Variants in TMEM132D observed in about 807,000 individuals in gnomAD.
The protein encoded by TMEM132D is mature OL transmembrane protein.
Under a neutral mutation model 62.3 loss-of-function variants are expected in TMEM132D, and 21 were observed. The observed-to-expected ratio is 0.34, with a 90% CI of 0.24 to 0.49. The LOEUF (loss-of-function observed/expected upper bound fraction) is 0.49, where lower values mean the gene tolerates loss of function less well. Ranked by LOEUF, TMEM132D falls within the 20% of genes least tolerant of loss-of-function variation. The pLI is 0.99. For synonymous variants in TMEM132D, 621 were observed against 575.6 expected (o/e 1.08, Z -1.13); for missense variants, 1,346 against 1,402.8 (o/e 0.96, Z 0.65).
chr12:129,733,428 C>T (rs980469366), intron 1 of TMEM132D, among the ~76,000 whole-genome samples: 3 of 152,176 alleles, frequency 2.0e-5, no homozygotes, highest in African/African-American at 7.2e-5. Flanking sequence ...AAATCAACCA[C>T]CAGTCACGCG....
chr12:129,248,368 G>C (rs553368628), intron 4 of TMEM132D, among the ~76,000 whole-genome samples: 2 of 152,270 alleles, frequency 1.3e-5, no homozygotes, highest in East Asian at 1.9e-4. Flanking sequence ...TTCCTTGCAA[G>C]TAAAATATCC....
intron 1 of TMEM132D, among the ~76,000 whole-genome samples, chr12:129,760,057 A>C (rs1205286267): frequency 6.6e-6 from 1 of 152,074 alleles, no homozygotes; most frequent in Admixed American, 6.5e-5. Context: ...GGTGTTTGCC[A>C]TCACACCTGG....
chr12:129,599,851 T>G (rs551836149), intron 2 of TMEM132D, among the ~76,000 whole-genome samples: 20 of 152,336 alleles, frequency 1.3e-4, no homozygotes, highest in Non-Finnish European at 2.9e-4. Flanking sequence ...CTAAAACTGA[T>G]CATCATGACC....
In TMEM132D at chr12:129,562,502, C is replaced by T. The variant is rs117790303; in HGVS notation, c.969-31297G>A. On this transcript the variant is annotated intron_variant, in intron 2 of 8. Transcript: ENST00000422113. Reference sequence around the variant, plus strand: ...CAAGCCCTGAGTCACTGCATGGATTCTGGAACCTCATAGAAGGGTATAAAT... The same window carrying T: ...CAAGCCCTGAGTCACTGCATGGATTTTGGAACCTCATAGAAGGGTATAAAT... Among the ~76,000 whole-genome samples the T allele has an allele frequency of 4.8e-3, 727 of 152,304 alleles. 12 individuals carry two copies. In the South Asian group the frequency reaches 0.055, roughly 11 times the overall value.
intron 2 of TMEM132D, among the ~76,000 whole-genome samples, chr12:129,578,779 C>A (rs1293203876): frequency 1.3e-5 from 2 of 152,120 alleles, no homozygotes; most frequent in African/African-American, 4.8e-5. Flanking sequence ...CCCACTTAAG[C>A]AACTGGTCAG....
intron 1 of TMEM132D, among the ~76,000 whole-genome samples, chr12:129,733,415 C>G (rs970003929): frequency 1.3e-5 from 2 of 152,088 alleles, no homozygotes; most frequent in Non-Finnish European, 2.9e-5. Flanking sequence ...TGATCTATGG[C>G]CAAAATCAAC....
intron 2 of TMEM132D, among the ~76,000 whole-genome samples, chr12:129,642,718 C>T (rs1183452725): frequency 6.6e-6 from 1 of 152,094 alleles, no homozygotes; most frequent in East Asian, 1.9e-4. Flanking sequence ...TTTTTGAATC[C>T]ATTTACTTTG....
At chr12:129,712,117 A>G (rs1446209122) in intron 1 of TMEM132D, among the ~76,000 whole-genome samples, 1 of 151,930 alleles carries the variant, frequency 6.6e-6, no homozygotes, top group Non-Finnish European at 1.5e-5. Context: ...TTATTTTATT[A>G]TCATTATTGT....
rs1201501571 is a variant in TMEM132D at position 129,074,670 on chromosome 12, C to G, written c.2505G>C (p.Gly835=). Residue 835 remains glycine (G), a synonymous_variant, in exon 9 of 9, where the codon GGG becomes GGC. Coordinates refer to ENST00000422113, the MANE Select transcript of TMEM132D (RefSeq NM_133448.3). ...RRPKKPSQEW[G]SQEGQYYGSS... ...TGCCATAGTACTGTCCTTCCTGACT[C>G]CCCCATTCCTGCGAGGGTTTTTTGG... The G allele has an allele frequency of 3.7e-6, 6 of 1,614,112 alleles. No individual in the cohort carries two copies. The highest frequency in any genetic ancestry group is 3.4e-6 in the Non-Finnish European group (4 of 1,180,018).
intron 1 of TMEM132D, among the ~76,000 whole-genome samples, chr12:129,890,788 G>A (rs1312437019): frequency 6.6e-6 from 1 of 152,148 alleles, no homozygotes; most frequent in African/African-American, 2.4e-5. Context: ...TATCCTCAGA[G>A]TGTATCATAT....
At chr12:129,528,431 CAAA>C (rs200147997) in intron 3 of TMEM132D, among the ~76,000 whole-genome samples, 12,535 of 133,042 alleles carry the variant, frequency 0.094, 1,592 homozygotes, top group African/African-American at 0.3. Flanking sequence ...ATGCACACAG[CAAA>C]AAAAAAAAAA....
At chr12:129,379,670 T>A (rs1471075437) in intron 3 of TMEM132D, among the ~76,000 whole-genome samples, 1 of 152,176 alleles carries the variant, frequency 6.6e-6, no homozygotes, top group East Asian at 1.9e-4. Context: ...ATCAACCCAC[T>A]GCAAGGAAAC....
chr12:129,470,805 C>A (rs550046236), intron 3 of TMEM132D, among the ~76,000 whole-genome samples: 2 of 152,284 alleles, frequency 1.3e-5, no homozygotes, highest in Middle Eastern at 3.4e-3. Flanking sequence ...GTCACAGCAC[C>A]TTTTGTCCTT....
intron 2 of TMEM132D, among the ~76,000 whole-genome samples, chr12:129,646,932 G>A (rs554987279): frequency 3.7e-4 from 56 of 151,444 alleles, no homozygotes; most frequent in Non-Finnish European, 7.5e-4. Flanking sequence ...CCTGAGTAGT[G>A]GGGATTACAG....
At position 129,729,807 on chromosome 12, in the gene TMEM132D, C is replaced by T. The variant is rs371991703; in HGVS notation, c.80-29109G>A. ...TCAAATTATTTTAAGTAGTTTTAAT[C>T]GCCAGAACCTGATGCTTTGGAAGCC... On this transcript the variant is annotated intron_variant, in intron 1 of 8. Coordinates refer to ENST00000422113, the MANE Select transcript of TMEM132D (RefSeq NM_133448.3). 2.3e-4 allele frequency among the ~76,000 whole-genome samples: 35 copies of T among 152,256 alleles called. No individual in the cohort carries two copies. The East Asian group carries it at 3.3e-3, about 14-fold the overall frequency.
At chr12:129,135,123 A>T (rs1001915182) in intron 5 of TMEM132D, among the ~76,000 whole-genome samples, 1 of 152,216 alleles carries the variant, frequency 6.6e-6, no homozygotes, top group Non-Finnish European at 1.5e-5. Flanking sequence ...GTGGGCAGAG[A>T]CAGAGAGTAT....
At chr12:129,299,694 T>C (rs1429876940) in intron 4 of TMEM132D, among the ~76,000 whole-genome samples, 1 of 151,338 alleles carries the variant, frequency 6.6e-6, no homozygotes, top group African/African-American at 2.4e-5. Flanking sequence ...TAATTTTCAC[T>C]GCTTTATTGG....
rs151287229 is a variant in TMEM132D, at chr12:129,830,738, A to C, written c.79+72523T>G. 2.6e-3 allele frequency among the ~76,000 whole-genome samples: 392 copies of C among 152,198 alleles called. 3 individuals carry two copies. The highest frequency in any genetic ancestry group is 9.1e-3 in the African/African-American group (379 of 41,524). Reference sequence around the variant, plus strand: ...AAACCTCCCAAAATGATTGGGCCTTATCTCGTCATTTTTCTCTACGTAGAA... The same window carrying C: ...AAACCTCCCAAAATGATTGGGCCTTCTCTCGTCATTTTTCTCTACGTAGAA... On this transcript the variant is annotated intron_variant, in intron 1 of 8. Coordinates refer to ENST00000422113, the MANE Select transcript of TMEM132D (RefSeq NM_133448.3).
chr12:129,337,775 C>G lies in TMEM132D; in HGVS notation c.1158G>C (p.Glu386Asp). The G allele has an allele frequency of 1.2e-6, 2 of 1,613,924 alleles. No homozygotes were observed. The highest frequency in any genetic ancestry group is 3.3e-5 in the Admixed American group (2 of 60,014). Residue 386 changes from glutamate to aspartate, a missense_variant, in exon 4 of 9, where the codon GAG (glutamate) becomes GAC (aspartate). By Grantham distance (45) the Glu-to-Asp change is conservative (BLOSUM62 2). Transcript: ENST00000422113. ...ASYEVMQIDV[E>D]VEEPGDLPAT... ...CTGGCAGGTCACCAGGCTCTTCCAC[C>G]TCCACATCGATCTGCATGACCTCGT...
Sources: gnomAD v4.1 joint callset for allele counts (sites outside exome capture counted in the v4.1 genomes callset) on GRCh38, gnomAD v4.1.1 for gene constraint, MANE v1.5 for transcripts, NCBI Gene and HGNC (gene_info 2026-07-23, HGNC 2026-07-21) for gene names.